The following NHSL1 variants were observed in gnomAD, a reference collection of about 807,000 sequenced individuals.
NHSL1 encodes NHS-like protein 1.
Under a neutral mutation model 95.0 loss-of-function variants are expected in NHSL1, and 48 were observed. The observed-to-expected ratio is 0.51, with a 90% confidence interval of 0.40 to 0.64. The LOEUF is 0.64. Ranked by LOEUF, NHSL1 falls within the 30% of genes least tolerant of loss-of-function variation. The pLI, the probability that NHSL1 is intolerant of heterozygous loss-of-function variation, is 0.00. For synonymous variants in NHSL1, 783 were observed against 833.9 expected (o/e 0.94, Z 1.05); for missense variants, 1,971 against 2,077.7 (o/e 0.95, Z 1.00).
chr6:138,523,506 G>A (rs1479490932), intron 1 of NHSL1, among the ~76,000 whole-genome samples: 3 of 151,458 alleles, frequency 2.0e-5, no homozygotes, highest in Admixed American at 1.3e-4. Context: ...ACAGGGTCTC[G>A]CTACGTTGCC....
At chr6:138,463,217 T>A (rs1044403797) in intron 3 of NHSL1, among the ~76,000 whole-genome samples, 6 of 152,150 alleles carry the variant, frequency 3.9e-5, no homozygotes, top group Admixed American at 6.5e-5. Context: ...TGTCTTCCAC[T>A]CTCTATGGTC....
intron 1 of NHSL1, among the ~76,000 whole-genome samples, chr6:138,685,398 G>T (rs1280857917): frequency 1.3e-5 from 2 of 152,092 alleles, no homozygotes; most frequent in Admixed American, 1.3e-4. Context: ...TTTCCATAAT[G>T]ACATTGCACT....
intron 1 of NHSL1, among the ~76,000 whole-genome samples, chr6:138,528,998 A>G (rs751621440): frequency 2.6e-5 from 4 of 152,244 alleles, no homozygotes; most frequent in Admixed American, 2.6e-4. Flanking sequence ...ACTTGGAAAA[A>G]TTGAGAATGA....
At chr6:138,592,639 C>CAACA (rs1583438620) in intron 1 of NHSL1, among the ~76,000 whole-genome samples, 1 of 129,070 alleles carries the variant, frequency 7.7e-6, no homozygotes, top group Non-Finnish European at 1.6e-5. Context: ...AAAACAACAA[C>CAACA]AAAAAAAACC....
intron 1 of NHSL1, among the ~76,000 whole-genome samples, chr6:138,553,536 T>C (rs575661912): frequency 1.3e-5 from 2 of 152,366 alleles, no homozygotes; most frequent in South Asian, 2.1e-4. Context: ...AGGTGATCCA[T>C]GTTTGTTGCA....
chr6:138,492,146 T>C (rs919241961), intron 2 of NHSL1, among the ~76,000 whole-genome samples: 3 of 152,132 alleles, frequency 2.0e-5, no homozygotes, highest in Non-Finnish European at 4.4e-5. Context: ...TAGAGCGAAA[T>C]TATACATGGA....
chr6:138,517,363 C>A (rs557178949), intron 1 of NHSL1, among the ~76,000 whole-genome samples: 13 of 152,156 alleles, frequency 8.5e-5, no homozygotes, highest in Non-Finnish European at 1.8e-4. Context: ...ATGATTAAAG[C>A]CCATGAATGG....
At chr6:138,451,445 A>T (rs929133719) in intron 3 of NHSL1, among the ~76,000 whole-genome samples, 4 of 152,146 alleles carry the variant, frequency 2.6e-5, no homozygotes, top group African/African-American at 9.7e-5. Flanking sequence ...TTTAGTACAT[A>T]TAACTAGTAC....
At position 138,432,755 on chromosome 6, in the gene NHSL1, G is replaced by C. The variant is rs1264915167; in HGVS notation, c.1590C>G (p.Pro530=). 6.4e-7 allele frequency: 1 copy of C among 1,551,620 alleles called. No homozygotes were observed. The highest frequency in any genetic ancestry group is 8.7e-7 in the Non-Finnish European group (1 of 1,146,920). Residue 530 remains proline (P), a synonymous_variant, in exon 6 of 8, where the codon CCC becomes CCG. Coordinates refer to ENST00000343505, the MANE Select transcript of NHSL1 (RefSeq NM_001144060.2). The surrounding 1 kb of genome is among the most constrained non-coding windows in gnomAD (Gnocchi z 4.4). The part of the protein sequence containing the change: ...CRNNLAFPAH[P]QDVDGKSESS... Reference sequence around the variant, plus strand: ...ATTCACTCTTGCCATCCACATCTTGGGGGTGGGCTGGGAAGGCCAGGTTGT... The same window carrying C: ...ATTCACTCTTGCCATCCACATCTTGCGGGTGGGCTGGGAAGGCCAGGTTGT...
In NHSL1 at chr6:138,429,990, CAAAGAAGGGAGG is replaced by C. The variant is rs1361662420; in HGVS notation, c.3953-159_3953-148del. The C allele has an allele frequency of 7.6e-6, 6 of 793,976 alleles. No individual in the cohort carries two copies. In the East Asian group the frequency reaches 1.7e-4, roughly 22 times the overall value. The allele number at this position is 793,976 out of a possible 1,614,324, so 49.2% of individuals were successfully genotyped here. ...CGTGGGTCTGTAGTTTGATAGTTTA[CAAAGAAGGGAGG>C]AAATGACACTAGCCTGAGAGCCAGA... On this transcript the variant is annotated intron_variant, in intron 6 of 7. Transcript: ENST00000343505.
upstream of NHSL1, among the ~76,000 whole-genome samples, chr6:138,546,517 G>A (rs1782808939): frequency 6.6e-6 from 1 of 151,656 alleles, no homozygotes; most frequent in Non-Finnish European, 1.5e-5. Context: ...GCTGAGGAGG[G>A]AGGATTGTTT....
At chr6:138,615,663 G>A (rs1784569426) in intron 1 of NHSL1, among the ~76,000 whole-genome samples, 1 of 152,212 alleles carries the variant, frequency 6.6e-6, no homozygotes, top group South Asian at 2.1e-4. Flanking sequence ...GTAGAGACGG[G>A]GGTGTCCCCG....
At chr6:138,624,992 G>C (rs930005707) in intron 1 of NHSL1, among the ~76,000 whole-genome samples, 1 of 152,184 alleles carries the variant, frequency 6.6e-6, no homozygotes, top group Non-Finnish European at 1.5e-5. Context: ...TATAGTGTGT[G>C]TGTGTGAGAG....
Position 138,430,948 on chromosome 6 carries a change from A to G in NHSL1, c.3397T>C (p.Ser1133Pro). ...NEMESESQPASVTSSLPTPAK... is the reference protein window; with the variant it reads ...NEMESESQPAPVTSSLPTPAK... ...GGCGTCGGAAGCGAGCTTGTCACAG[A>G]GGCAGGCTGGCTTTCACTCTCCATT... Residue 1133 changes from serine (S) to proline (P), a missense_variant, in exon 6 of 8, where the codon TCT becomes CCT. Coordinates refer to ENST00000343505, the MANE Select transcript of NHSL1 (RefSeq NM_001144060.2). This position sits in a 1 kb window ranked among gnomAD's most constrained non-coding sequence, Gnocchi z 4.7. 6.4e-7 allele frequency: 1 copy of G among 1,551,714 alleles called. No homozygotes were observed.
chr6:138,529,381 T>C (rs1782042381), intron 1 of NHSL1, among the ~76,000 whole-genome samples: 1 of 152,246 alleles, frequency 6.6e-6, no homozygotes, highest in South Asian at 2.1e-4. Flanking sequence ...TTTAATGACG[T>C]AGTAGTTTTC....
chr6:138,437,997 G>A (rs1776298201), intron 5 of NHSL1, among the ~76,000 whole-genome samples: 1 of 152,208 alleles, frequency 6.6e-6, no homozygotes. Flanking sequence ...TTGTTAAAAT[G>A]ACAACAAAGG....
At chr6:138,525,434 G>A (rs1335028554) in intron 1 of NHSL1, among the ~76,000 whole-genome samples, 2 of 151,602 alleles carry the variant, frequency 1.3e-5, no homozygotes, top group East Asian at 3.9e-4. Context: ...GTGGCTGAGT[G>A]GGAAGATCGC....
chr6:138,565,240 G>A lies in NHSL1; in HGVS notation c.202+6470C>T, dbSNP rs1783567384. Among the ~76,000 whole-genome samples, 4 of 152,192 alleles carry A rather than the reference G, an allele frequency of 2.6e-5. No individual in the cohort carries two copies. The South Asian group carries it at 8.3e-4, about 32-fold the overall frequency. Reference sequence around the variant, plus strand: ...TCCTGCCTCAGCCTCCCAAGTAGCTGGGATTACAGGTATGCCGCACTAAAC... The same window carrying A: ...TCCTGCCTCAGCCTCCCAAGTAGCTAGGATTACAGGTATGCCGCACTAAAC... On this transcript the variant is annotated intron_variant, in intron 1 of 6. Transcript: ENST00000427025.
At chr6:138,447,836 C>G (rs574192733) in intron 3 of NHSL1, among the ~76,000 whole-genome samples, 1 of 152,268 alleles carries the variant, frequency 6.6e-6, no homozygotes, top group South Asian at 2.1e-4. Flanking sequence ...AGAAAAACAT[C>G]ATGGCTGTGG....
Sources: gnomAD v4.1 joint callset for allele counts (sites outside exome capture counted in the v4.1 genomes callset) on GRCh38, gnomAD v4.1.1 for gene constraint, Gnocchi (gnomAD v3.1) non-coding constraint, MANE v1.5 for transcripts, NCBI Gene and HGNC (gene_info 2026-07-23, HGNC 2026-07-21) for gene names.